EPHA2: variants seen among roughly 807,000 people sequenced by gnomAD.
EPHA2 encodes EPH receptor A2, also known as ephrin type-A receptor 2.
EPHA2 carries 54 observed loss-of-function variants against 104.9 expected under a neutral mutation model. The ratio of observed to expected loss-of-function variants is 0.51; its 90% confidence interval spans 0.41 to 0.65. EPHA2 has a LOEUF of 0.65. Among genes scored for constraint, EPHA2 ranks in the 30% least tolerant of loss-of-function variants. The pLI, the probability that EPHA2 is intolerant of heterozygous loss-of-function variation, is 0.00. For synonymous variants in EPHA2, 560 were observed against 559.1 expected (o/e 1.00, Z -0.02); for missense variants, 1,117 against 1,369.5 (o/e 0.82, Z 2.91).
Position 16,149,067 on chromosome 1 carries a change from GT to G in EPHA2, c.154-21del. On this transcript the variant is annotated intron_variant, in intron 2 of 16. Transcript: ENST00000358432. ...GTCCCACTGTGGGGGGAAGATACAG[GT>G]TAGTGTGGGCAGGTGCCTGGGGAAA... 1.9e-6 allele frequency: 3 copies of G among 1,609,640 alleles called. No homozygotes were observed. The highest frequency in any genetic ancestry group is 2.5e-6 in the Non-Finnish European group (3 of 1,179,956).
At position 16,128,079 on chromosome 1, in the gene EPHA2, G is replaced by A. The variant is rs1444024717; in HGVS notation, c.2825+1355C>T. 6.6e-6 allele frequency among the ~76,000 whole-genome samples: 1 copy of A among 152,216 alleles called. No individual in the cohort carries two copies. The highest frequency in any genetic ancestry group is 1.9e-4 in the East Asian group (1 of 5,196). ...AGGGGGCATTTGCACAGTGCTAGGG[G>A]AGGAAAGCAAGGGAGTGGAGGAAAA... On this transcript the variant is annotated intron_variant, in intron 16 of 16. Transcript: ENST00000358432. This position sits in a 1 kb window ranked among gnomAD's most constrained non-coding sequence, Gnocchi z 4.7.
rs2024630197 is a variant in EPHA2 at position 16,133,893 on chromosome 1, G to A, written c.1705C>T (p.Gln569Ter). ...HRRRKNQRAR[Q>*]SPEDVYFSKS... The stretch of plus-strand genomic sequence containing the variant: ...GAGAAGTAAACGTCCTCCGGGGACT[G>A]GCGGGCACGCTGGTTCTTCCTCCTG... Residue 569 changes from glutamine (Q) to a stop codon, truncating the protein, a stop_gained, in exon 9 of 17, where the codon CAG becomes TAG. Transcript: ENST00000358432. LOFTEE classifies it high-confidence loss of function. 6.4e-7 allele frequency: 1 copy of A among 1,550,690 alleles called. No individual in the cohort carries two copies. Among genetic ancestry groups the A allele is most frequent in the Non-Finnish European group, 8.7e-7 (1 of 1,146,514 alleles).
rs1436267088 is a variant in EPHA2, at chr1:16,130,547, C to G, written c.2476-128G>C. 3.2e-6 allele frequency: 3 copies of G among 949,138 alleles called. No individual in the cohort carries two copies. The highest frequency in any genetic ancestry group is 4.5e-6 in the Non-Finnish European group (3 of 670,192). 58.8% of individuals were successfully genotyped at this position (949,138 alleles called of 1,614,324 possible). A position where few individuals can be genotyped will look rare whatever the true frequency, so the allele number is the denominator to read the frequency against. On this transcript the variant is annotated intron_variant, in intron 14 of 16. Coordinates refer to ENST00000358432, the MANE Select transcript of EPHA2 (RefSeq NM_004431.5). The surrounding 1 kb of genome is among the most constrained non-coding windows in gnomAD (Gnocchi z 4.5). ...ACATCCCAGAAACAGACAGGAAGGG[C>G]CTTTCTTGAGCTGCCACCCAACCTT...
At chr1:16,132,329 C>A in intron 12 of EPHA2, 49 bp downstream of exon 12, 3 of 1,614,118 alleles carry the variant, frequency 1.9e-6, no homozygotes, top group South Asian at 2.2e-5. Flanking sequence ...CAGGCCAGCC[C>A]CGGGCTCAAT....
chr1:16,136,770 GA>G (rs2024718198), intron 5 of EPHA2, among the ~76,000 whole-genome samples: 1 of 147,396 alleles, frequency 6.8e-6, no homozygotes, highest in Admixed American at 6.8e-5. Flanking sequence ...AGAAGAAGAA[GA>G]AGAACTAACT....
intron 9 of EPHA2, 62 bp from the exon 10 acceptor site, chr1:16,133,668 G>T (rs2024624160): frequency 3.1e-6 from 5 of 1,606,660 alleles, no homozygotes; most frequent in Non-Finnish European, 4.3e-6. Context: ...GGGTGCTCTG[G>T]AGTCAGAGGA....
At position 16,135,618 on chromosome 1, in the gene EPHA2, G is replaced by T; in HGVS notation, c.1428+37C>A. On this transcript the variant is annotated intron_variant, in intron 6 of 16. Transcript: ENST00000358432. This position sits in a 1 kb window ranked among gnomAD's most constrained non-coding sequence, Gnocchi z 4.3. The stretch of plus-strand genomic sequence containing the variant: ...GTGACCAGCCTGTCCCCTGCTGTCG[G>T]CCCAGCTAGAGCCAGCCCCGCCCCT... The T allele has an allele frequency of 6.3e-7, 1 of 1,587,098 alleles. No homozygotes were observed. The highest frequency in any genetic ancestry group is 8.7e-7 in the Non-Finnish European group (1 of 1,155,762).
rs1042881206 is a variant in EPHA2 at position 16,129,520 on chromosome 1, C to T, written c.2739G>A (p.Leu913=). 6 of 1,613,734 alleles carry T rather than the reference C, an allele frequency of 3.7e-6. No homozygotes were observed. Among genetic ancestry groups the T allele is most frequent in the Non-Finnish European group, 5.1e-6 (6 of 1,180,022 alleles). ...GVPFRTVSEW[L]ESIKMQQYTE... is the part of the protein sequence containing the mutation. ...TATACTGCTGCATCTTGATGGACTCCAGCCACTCGGACACCGTGCGGAAGG... is the reference window on the plus strand; with the variant it reads ...TATACTGCTGCATCTTGATGGACTCTAGCCACTCGGACACCGTGCGGAAGG... The change falls in exon 16 of 17, where the codon CTG becomes CTA. Residue 913 remains leucine, a synonymous_variant. Coordinates refer to ENST00000358432, the MANE Select transcript of EPHA2 (RefSeq NM_004431.5).
chr1:16,144,046 G>GC (rs937073673), intron 3 of EPHA2, among the ~76,000 whole-genome samples: 1 of 152,050 alleles, frequency 6.6e-6, no homozygotes, highest in Non-Finnish European at 1.5e-5. Flanking sequence ...CTCAGCCCCC[G>GC]CCTACCGCTC....
At chr1:16,129,334 G>T in intron 16 of EPHA2, 100 bp downstream of exon 16, 1 of 1,381,758 alleles carries the variant, frequency 7.2e-7, no homozygotes, top group Non-Finnish European at 1.0e-6. Context: ...AACAAAGAGA[G>T]GAGCATTGAG....
chr1:16,154,741 T>G (rs1431626544), intron 1 of EPHA2, among the ~76,000 whole-genome samples: 1 of 101,344 alleles, frequency 9.9e-6, no homozygotes, highest in African/African-American at 3.9e-5. Context: ...GGGCAACAAG[T>G]GCGAAACTCC....
At chr1:16,129,351 G>A in intron 16 of EPHA2, 83 bp downstream of exon 16, 1 of 1,506,704 alleles carries the variant, frequency 6.6e-7, no homozygotes, top group Admixed American at 1.7e-5. Context: ...TGAGGGGCAG[G>A]GAAGAGGGCT....
chr1:16,135,338 C>G lies in EPHA2; in HGVS notation c.1429-149G>C. ...TCTTACAGAGGAGGAAACTGAGGCT[C>G]GGAATTAAGTGACTCACTCAAGGTC... On this transcript the variant is annotated intron_variant, in intron 6 of 16. Transcript: ENST00000358432. This position sits in a 1 kb window ranked among gnomAD's most constrained non-coding sequence, Gnocchi z 4.3. 1 of 1,066,362 alleles carries G rather than the reference C, an allele frequency of 9.4e-7. No individual in the cohort carries two copies. The highest frequency in any genetic ancestry group is 1.4e-6 in the Non-Finnish European group (1 of 721,476). The allele number at this position is 1,066,362 out of a possible 1,614,324, so 66.1% of individuals were successfully genotyped here. A position where few individuals can be genotyped will look rare whatever the true frequency, so the allele number is the denominator to read the frequency against.
rs776279662 is a variant in EPHA2, at chr1:16,133,628, T to C, written c.1739-22A>G. On this transcript the variant is annotated intron_variant, in intron 9 of 16. Transcript: ENST00000358432. ...TGTTCTGGAAGGAGAAGGGGTGGGGTCACAGGCAGCTCAGGAGGGGCCCCA... is the reference window on the plus strand; with the variant it reads ...TGTTCTGGAAGGAGAAGGGGTGGGGCCACAGGCAGCTCAGGAGGGGCCCCA... 1.7e-5 allele frequency: 28 copies of C among 1,613,226 alleles called. No homozygotes were observed. The South Asian group carries it at 3.0e-4, about 17-fold the overall frequency.
At chr1:16,154,178 TA>T (rs756838381) in intron 1 of EPHA2, among the ~76,000 whole-genome samples, 3 of 152,018 alleles carry the variant, frequency 2.0e-5, no homozygotes, top group Non-Finnish European at 4.4e-5. Context: ...GAAAGGCCTA[TA>T]GTGATTCCAG....
At chr1:16,136,673 A>G (rs1479005712) in intron 5 of EPHA2, among the ~76,000 whole-genome samples, 3 of 113,458 alleles carry the variant, frequency 2.6e-5, no homozygotes, top group Non-Finnish European at 4.8e-5. Flanking sequence ...AAAGAAGAAA[A>G]GAAGAAGAAA....
Position 16,128,664 on chromosome 1 carries a change from A to C in EPHA2, c.2825+770T>G, listed in dbSNP as rs915434858. Among the ~76,000 whole-genome samples the C allele has an allele frequency of 6.6e-6, 1 of 152,138 alleles. No individual in the cohort carries two copies. Among genetic ancestry groups the C allele is most frequent in the African/African-American group, 2.4e-5 (1 of 41,448 alleles). On this transcript the variant is annotated intron_variant, in intron 16 of 16. Transcript: ENST00000358432. The surrounding 1 kb of genome is among the most constrained non-coding windows in gnomAD (Gnocchi z 4.7). ...GTCTCCCCCTTCCTGGGACAGGAGG[A>C]GGTGTCTGTGCCAAGGCCATGCCGG...
intron 1 of EPHA2, among the ~76,000 whole-genome samples, chr1:16,154,756 CAAAA>C (rs558609049): frequency 3.0e-5 from 2 of 66,890 alleles, no homozygotes; most frequent in Admixed American, 1.8e-4. Context: ...AACTCCGTCT[CAAAA>C]AAAAAAAAAA....
Position 16,130,505 on chromosome 1 carries a change from A to C in EPHA2, c.2476-86T>G. On this transcript the variant is annotated intron_variant, in intron 14 of 16. Coordinates refer to ENST00000358432, the MANE Select transcript of EPHA2 (RefSeq NM_004431.5). This position sits in a 1 kb window ranked among gnomAD's most constrained non-coding sequence, Gnocchi z 4.5. ...TCCAGCCTATGGAGGTGGGCAGGGGAGGGGAGGGGAACAGGAACATCCCAG... is the reference window on the plus strand; with the variant it reads ...TCCAGCCTATGGAGGTGGGCAGGGGCGGGGAGGGGAACAGGAACATCCCAG... The C allele has an allele frequency of 7.5e-7, 1 of 1,336,100 alleles. No homozygotes were observed. Among genetic ancestry groups the C allele is most frequent in the African/African-American group, 1.5e-5 (1 of 67,942 alleles). 82.8% of individuals were successfully genotyped at this position (1,336,100 alleles called of 1,614,324 possible).
Sources: gnomAD v4.1 joint callset for allele counts (sites outside exome capture counted in the v4.1 genomes callset) on GRCh38, gnomAD v4.1.1 for gene constraint, Gnocchi (gnomAD v3.1) non-coding constraint, MANE v1.5 for transcripts, NCBI Gene and HGNC (gene_info 2026-07-23, HGNC 2026-07-21) for gene names.